Variants in IQSEC1 observed in about 807,000 individuals in gnomAD.
IQSEC1 encodes the protein IQ motif and Sec7 domain ArfGEF 1, also known as IQ motif and SEC7 domain-containing protein 1.
IQSEC1 carries 31 observed loss-of-function variants against 91.0 expected under a neutral mutation model. That is an observed-to-expected ratio of 0.34 (90% CI 0.26 to 0.46). IQSEC1 has a LOEUF of 0.46. IQSEC1 is among the 20% of genes least tolerant of loss of function. The pLI is 1.00. For missense variants in IQSEC1, 1,388 were observed against 1,575.6 expected (o/e 0.88, Z 2.02); for synonymous variants, 699 against 662.6 (o/e 1.05, Z -0.84).
intron 1 of IQSEC1, among the ~76,000 whole-genome samples, chr3:13,036,280 G>C (rs149137508): frequency 2.6e-4 from 39 of 152,198 alleles, no homozygotes; most frequent in African/African-American, 8.7e-4. Flanking sequence ...CTCCATTTCT[G>C]TGACTTTAGG....
chr3:13,121,226 G>A (rs1250880519), intron 2 of IQSEC1, among the ~76,000 whole-genome samples: 2 of 152,200 alleles, frequency 1.3e-5, no homozygotes, highest in Non-Finnish European at 2.9e-5. Flanking sequence ...GAGTAGTTAC[G>A]ACAGGACCCC....
chr3:13,215,846 G>A (rs80197211), intron 1 of IQSEC1, among the ~76,000 whole-genome samples: 5,500 of 152,306 alleles, frequency 0.036, 161 homozygotes, highest in East Asian at 0.13. Flanking sequence ...GTCTCCTGTT[G>A]AGAAGGGCCA....
At chr3:12,996,969 C>T (rs1192036765) in intron 1 of IQSEC1, among the ~76,000 whole-genome samples, 3 of 152,124 alleles carry the variant, frequency 2.0e-5, no homozygotes, top group Non-Finnish European at 4.4e-5. Flanking sequence ...ATGGTGCAAC[C>T]AATCGGGAAG....
intron 2 of IQSEC1, among the ~76,000 whole-genome samples, chr3:13,095,565 TC>T (rs1232094254): frequency 6.6e-6 from 1 of 150,534 alleles, no homozygotes; most frequent in South Asian, 2.2e-4. Flanking sequence ...TCATTGCCAC[TC>T]CCCCCTCCTT....
chr3:13,151,129 G>A (rs1233753618), intron 2 of IQSEC1, among the ~76,000 whole-genome samples: 2 of 152,216 alleles, frequency 1.3e-5, no homozygotes, highest in Non-Finnish European at 2.9e-5. Flanking sequence ...CCCTTCCCAC[G>A]CTGGAAGGAC....
intron 1 of IQSEC1, among the ~76,000 whole-genome samples, chr3:13,233,658 C>T (rs548374558): frequency 8.9e-4 from 136 of 152,310 alleles, no homozygotes; most frequent in African/African-American, 3.1e-3. Flanking sequence ...TCCTCACAGC[C>T]GGGTGGGGAT....
At chr3:13,220,205 G>C (rs1694630933) in intron 1 of IQSEC1, among the ~76,000 whole-genome samples, 1 of 152,254 alleles carries the variant, frequency 6.6e-6, no homozygotes, top group South Asian at 2.1e-4. Flanking sequence ...GGTGGGCCTG[G>C]AGCAAACTGG....
intron 1 of IQSEC1, among the ~76,000 whole-genome samples, chr3:12,985,434 G>A (rs1222876955): frequency 6.6e-6 from 1 of 152,236 alleles, no homozygotes; most frequent in African/African-American, 2.4e-5. Flanking sequence ...GGGAGAGCTG[G>A]TCTCCAACTT....
intron 6 of IQSEC1, among the ~76,000 whole-genome samples, chr3:12,916,058 A>C (rs1696058308): frequency 6.6e-6 from 1 of 152,124 alleles, no homozygotes; most frequent in Non-Finnish European, 1.5e-5. Context: ...AATCATCTCC[A>C]TTCCACAGAT....
In IQSEC1 at chr3:12,970,518, C is replaced by A. The variant is rs1700840984; in HGVS notation, c.24-28653G>T. Among the ~76,000 whole-genome samples the A allele has an allele frequency of 6.6e-6, 1 of 152,112 alleles. No homozygotes were observed. The highest frequency in any genetic ancestry group is 1.5e-5 in the Non-Finnish European group (1 of 68,018). On this transcript the variant is annotated intron_variant, in intron 1 of 13. Transcript: ENST00000613206. This position sits in a 1 kb window ranked among gnomAD's most constrained non-coding sequence, Gnocchi z 4.4. ...CTTTCCTCCAGCCAGATGTGTGGCA[C>A]TCTCCCAAAGCCCAGCCTTTGCAGC...
At chr3:13,208,033 T>G (rs180865099) in intron 1 of IQSEC1, among the ~76,000 whole-genome samples, 212 of 152,164 alleles carry the variant, frequency 1.4e-3, no homozygotes, top group African/African-American at 4.7e-3. Context: ...TTTCTATGAT[T>G]CATTAAACAA....
At chr3:12,947,506 T>C (rs1374898241) in intron 1 of IQSEC1, among the ~76,000 whole-genome samples, 1 of 151,648 alleles carries the variant, frequency 6.6e-6, no homozygotes, top group Admixed American at 6.6e-5. Context: ...GTGCAGTCCA[T>C]CTGCACCATG....
In IQSEC1 at chr3:13,156,064, CAAA is replaced by C. The variant is rs34638350; in HGVS notation, c.302+8037_302+8039del. Among the ~76,000 whole-genome samples the C allele has an allele frequency of 5.0e-3, 651 of 129,846 alleles. 4 individuals carry two copies. Among genetic ancestry groups the C allele is most frequent in the South Asian group, 0.019 (76 of 3,968 alleles). 85.2% of individuals were successfully genotyped at this position (129,846 alleles called of 152,430 possible). On this transcript the variant is annotated intron_variant, in intron 2 of 15. Transcript: ENST00000648114. ...AGAAACTCCGTCTCTACTAAAAATA[CAAA>C]AAAAAAAAAAAAAAAGTAGCTGGGC...
Position 12,901,407 on chromosome 3 carries a change from C to G in IQSEC1, c.2921G>C (p.Gly974Ala), listed in dbSNP as rs200289066. ...NSSSLLGSLF[G>A]SKRGKPPPQA... is the part of the protein sequence containing the mutation. ...GGGAGGGGGCTTCCCTCTCTTGCTC[C>G]CGAATAAGGAGCCCAGGAGGGAAGA... is the stretch of plus-strand genomic sequence containing the variant. Residue 974 changes from glycine (G) to alanine (A), a missense_variant, in exon 14 of 14, where the codon GGG becomes GCG. This residue lies in a region of IQSEC1 where 329 missense variants were observed against 257.8 expected (regional missense o/e 1.28). Transcript: ENST00000613206. 227 of 1,545,858 alleles carry G rather than the reference C, an allele frequency of 1.5e-4. No homozygotes were observed. Among genetic ancestry groups the G allele is most frequent in the Non-Finnish European group, 1.9e-4 (219 of 1,146,456 alleles).
At chr3:13,176,706 C>T (rs964334213) in intron 1 of IQSEC1, among the ~76,000 whole-genome samples, 36 of 152,168 alleles carry the variant, frequency 2.4e-4, no homozygotes, top group African/African-American at 5.6e-4. Flanking sequence ...TGGCAAGGGA[C>T]GACCGGAAAC....
chr3:13,134,394 C>A (rs1292437875), intron 2 of IQSEC1, among the ~76,000 whole-genome samples: 1 of 152,234 alleles, frequency 6.6e-6, no homozygotes, highest in Non-Finnish European at 1.5e-5. Flanking sequence ...GTGGTAAGGA[C>A]AAGGGCCAGT....
chr3:13,117,773 T>A (rs539253925), intron 2 of IQSEC1, among the ~76,000 whole-genome samples: 1 of 151,352 alleles, frequency 6.6e-6, no homozygotes, highest in East Asian at 1.9e-4. Context: ...TAGTCCCAGG[T>A]ACTCAGGAGG....
chr3:13,089,132 A>G (rs538816539), intron 2 of IQSEC1, among the ~76,000 whole-genome samples: 4 of 152,370 alleles, frequency 2.6e-5, no homozygotes, highest in South Asian at 4.1e-4. Flanking sequence ...CCCCTCCCCA[A>G]AATACACTGC....
chr3:12,915,099 C>A lies in IQSEC1; in HGVS notation c.2190+5G>T. 6.2e-7 allele frequency: 1 copy of A among 1,604,902 alleles called. No homozygotes were observed. The highest frequency in any genetic ancestry group is 8.5e-7 in the Non-Finnish European group (1 of 1,175,010). On this transcript the variant is annotated splice_donor_5th_base_variant and intron_variant, in intron 8 of 13. Coordinates refer to ENST00000613206, the MANE Select transcript of IQSEC1 (RefSeq NM_001134382.3). ...CCACAAAGGTAAAACCAGAGAAATA[C>A]TCACACAGCCGAGCCCGGGATGCAG... is the stretch of plus-strand genomic sequence containing the variant.
Sources: gnomAD v4.1 joint callset for allele counts (sites outside exome capture counted in the v4.1 genomes callset) on GRCh38, gnomAD v4.1.1 for gene constraint, gnomAD v4.1.1 regional missense constraint, Gnocchi (gnomAD v3.1) non-coding constraint, MANE v1.5 for transcripts, NCBI Gene and HGNC (gene_info 2026-07-23, HGNC 2026-07-21) for gene names.